Variants in COP1 observed in about 807,000 individuals in gnomAD.
COP1 encodes the protein COP1 E3 ubiquitin ligase.
Under a neutral mutation model 101.3 loss-of-function variants are expected in COP1, and 24 were observed. The observed-to-expected ratio is 0.24, with a 90% CI of 0.17 to 0.33. The LOEUF (loss-of-function observed/expected upper bound fraction) is 0.33, where lower values mean the gene tolerates loss of function less well. COP1 is among the 10% of genes least tolerant of loss of function. COP1 has a pLI of 1.00. For missense variants in COP1, 663 were observed against 906.2 expected, an observed-to-expected ratio of 0.73 and a Z score of 3.45; for synonymous variants, 347 against 341.9, an observed-to-expected ratio of 1.01 and a Z score of -0.17.
At chr1:176,163,263 T>G (rs900117183) in intron 4 of COP1, among the ~76,000 whole-genome samples, 1 of 152,234 alleles carries the variant, frequency 6.6e-6, no homozygotes, top group African/African-American at 2.4e-5. Context: ...TCAAAATGAC[T>G]GAATTTAATT....
intron 11 of COP1, among the ~76,000 whole-genome samples, chr1:176,066,853 CAAGT>C (rs1327775742): frequency 1.3e-5 from 2 of 152,076 alleles, no homozygotes; most frequent in Admixed American, 1.3e-4. Context: ...AGCACTAAGA[CAAGT>C]AAGTTACATG....
At chr1:176,072,870 C>T (rs545894546) in intron 11 of COP1, among the ~76,000 whole-genome samples, 228 of 152,204 alleles carry the variant, frequency 1.5e-3, no homozygotes, top group African/African-American at 5.2e-3. Flanking sequence ...AAAAAATATT[C>T]ATTATTTTGA....
At chr1:175,962,922 G>C (rs998802140) in intron 18 of COP1, among the ~76,000 whole-genome samples, 1 of 152,142 alleles carries the variant, frequency 6.6e-6, no homozygotes, top group African/African-American at 2.4e-5. Flanking sequence ...CGCAAACATA[G>C]TTCAAGATTT....
chr1:176,036,105 A>T (rs979469295), intron 14 of COP1, among the ~76,000 whole-genome samples: 6 of 152,222 alleles, frequency 3.9e-5, no homozygotes, highest in Admixed American at 6.5e-5. Flanking sequence ...AATAGCAAAT[A>T]TAATAGTAAA....
chr1:175,973,263 T>G (rs1189274542), intron 18 of COP1, among the ~76,000 whole-genome samples: 1 of 152,216 alleles, frequency 6.6e-6, no homozygotes, highest in East Asian at 1.9e-4. Flanking sequence ...GAGTTAACTT[T>G]GCAAATGGAA....
chr1:176,028,527 CAA>C (rs35574875), intron 14 of COP1, among the ~76,000 whole-genome samples: 4 of 92,030 alleles, frequency 4.3e-5, no homozygotes, highest in Non-Finnish European at 4.6e-5. Context: ...ATCATGCCAC[CAA>C]AAAAAAAAAA....
Position 176,063,542 on chromosome 1 carries a change from C to T in COP1, c.1278-17218G>A, listed in dbSNP as rs375796956. Reference sequence around the variant, plus strand: ...AATCTCTCTCAAGCACAGATCAAAGCATCAAGTTTTATAACTCCACAAGTT... The same window carrying T: ...AATCTCTCTCAAGCACAGATCAAAGTATCAAGTTTTATAACTCCACAAGTT... On this transcript the variant is annotated intron_variant, in intron 11 of 19. Coordinates refer to ENST00000367669, the MANE Select transcript of COP1 (RefSeq NM_022457.7). Among the ~76,000 whole-genome samples, 285 of 152,220 alleles carry T rather than the reference C, an allele frequency of 1.9e-3. 11 individuals carry two copies. In the South Asian group the frequency reaches 0.056, roughly 30 times the overall value.
chr1:176,133,471 C>T (rs1051435982), intron 8 of COP1, among the ~76,000 whole-genome samples: 1 of 151,724 alleles, frequency 6.6e-6, no homozygotes, highest in Non-Finnish European at 1.5e-5. Context: ...TTATGCAGTG[C>T]ATGACTGTAT....
At chr1:176,182,796 TG>T (rs1328126851) in intron 2 of COP1, among the ~76,000 whole-genome samples, 1 of 152,202 alleles carries the variant, frequency 6.6e-6, no homozygotes, top group African/African-American at 2.4e-5. Context: ...AGAATGTCAT[TG>T]GCAATACAGA....
At chr1:175,988,044 A>T (rs1024314578) in intron 17 of COP1, among the ~76,000 whole-genome samples, 1 of 152,214 alleles carries the variant, frequency 6.6e-6, no homozygotes, top group Non-Finnish European at 1.5e-5. Flanking sequence ...ACTATAAAAC[A>T]GTTAAAAATC....
chr1:176,152,765 G>A (rs904261638), intron 5 of COP1, among the ~76,000 whole-genome samples: 3 of 152,118 alleles, frequency 2.0e-5, no homozygotes, highest in African/African-American at 7.2e-5. Flanking sequence ...AAAAACCCTA[G>A]ATAACTTTAT....
intron 11 of COP1, among the ~76,000 whole-genome samples, chr1:176,080,282 T>C (rs1204712101): frequency 6.6e-6 from 1 of 152,112 alleles, no homozygotes; most frequent in Admixed American, 6.6e-5. Context: ...ATACAGTACT[T>C]AGAGGGAAAT....
At chr1:176,008,976 G>T (rs1664098720) in intron 15 of COP1, among the ~76,000 whole-genome samples, 1 of 152,154 alleles carries the variant, frequency 6.6e-6, no homozygotes, top group African/African-American at 2.4e-5. Context: ...GCTTAAATCT[G>T]CCTTAGCCTT....
chr1:176,006,572 G>A (rs1214633206), intron 15 of COP1, among the ~76,000 whole-genome samples: 1 of 151,996 alleles, frequency 6.6e-6, no homozygotes, highest in Non-Finnish European at 1.5e-5. Flanking sequence ...AGCATTTGCT[G>A]GTCTGTAAAG....
At chr1:176,008,625 G>A (rs566352423) in intron 15 of COP1, among the ~76,000 whole-genome samples, 38 of 151,944 alleles carry the variant, frequency 2.5e-4, no homozygotes, top group African/African-American at 8.7e-4. Flanking sequence ...AATTTTTCTT[G>A]TTTGTGTATA....
chr1:176,194,453 C>T lies in COP1; in HGVS notation c.408-9761G>A, dbSNP rs554728689. ...AGGAGATCAAGACCATCCTGGCCAACATGGTGAAACCCCATCTCTACGAAA... is the reference window on the plus strand; with the variant it reads ...AGGAGATCAAGACCATCCTGGCCAATATGGTGAAACCCCATCTCTACGAAA... On this transcript the variant is annotated intron_variant, in intron 1 of 19. Coordinates refer to ENST00000367669, the MANE Select transcript of COP1 (RefSeq NM_022457.7). Among the ~76,000 whole-genome samples the T allele has an allele frequency of 7.2e-5, 11 of 152,202 alleles. No individual in the cohort carries two copies. In the South Asian group the frequency reaches 2.3e-3, roughly 32 times the overall value.
intron 3 of COP1, among the ~76,000 whole-genome samples, chr1:176,174,890 G>A (rs1247737111): frequency 6.6e-6 from 1 of 152,076 alleles, no homozygotes; most frequent in South Asian, 2.1e-4. Flanking sequence ...AAAACATTCA[G>A]ATTAAAGGTT....
intron 14 of COP1, among the ~76,000 whole-genome samples, chr1:176,027,987 A>C (rs962992641): frequency 2.3e-4 from 35 of 151,976 alleles, no homozygotes; most frequent in African/African-American, 8.0e-4. Context: ...ATGAGGAGCA[A>C]AGTCATGTCT....
chr1:176,030,812 C>T (rs1246311218), intron 14 of COP1, among the ~76,000 whole-genome samples: 9 of 152,110 alleles, frequency 5.9e-5, no homozygotes, highest in Non-Finnish European at 1.5e-5. Flanking sequence ...TCAGTCCTAA[C>T]CCCAGGTACT....
Sources: gnomAD v4.1 joint callset for allele counts (sites outside exome capture counted in the v4.1 genomes callset) on GRCh38, gnomAD v4.1.1 for gene constraint, MANE v1.5 for transcripts, NCBI Gene and HGNC (gene_info 2026-07-23, HGNC 2026-07-21) for gene names.